Variants in TSPAN16 observed in about 807,000 individuals in gnomAD.
TSPAN16 encodes the protein tetraspanin 16, also known as tetraspanin-16.
A neutral mutation model predicts 25.2 loss-of-function variants in TSPAN16; 23 were observed. The observed-to-expected ratio is 0.91, with a 90% CI of 0.66 to 1.29. The LOEUF is 1.29. Ranked by LOEUF, TSPAN16 falls within the 50% of genes most tolerant of loss-of-function variation. The pLI, the probability that TSPAN16 is intolerant of heterozygous loss-of-function variation, is 0.00. For missense variants in TSPAN16, 272 were observed against 299.9 expected, an observed-to-expected ratio of 0.91 and a Z score of 0.69; for synonymous variants, 123 against 124.4, an observed-to-expected ratio of 0.99 and a Z score of 0.08.
chr19:11,298,002 G>A, intron 1 of TSPAN16, 140 bp from the exon 2 acceptor site: 1 of 793,794 alleles, frequency 1.3e-6, no homozygotes, highest in Non-Finnish European at 2.1e-6. Context: ...TACCAAGCTG[G>A]TCTTGAACTC....
At chr19:11,307,802 A>G (rs1320158694) in intron 5 of TSPAN16, 3 of 152,156 alleles carry the variant, frequency 2.0e-5, no homozygotes, top group Non-Finnish European at 4.4e-5. Context: ...ATCAACTCTT[A>G]TTGAGTGTTC....
At chr19:11,296,529 G>T (rs930153369) in intron 1 of TSPAN16, among the ~76,000 whole-genome samples, 163 bp downstream of exon 1, 1 of 152,144 alleles carries the variant, frequency 6.6e-6, no homozygotes, top group Non-Finnish European at 1.5e-5. Flanking sequence ...AGCAGGGAGC[G>T]TGGGGACCTC....
At chr19:11,326,095 G>A (rs201247277) in intron 6 of TSPAN16, among the ~76,000 whole-genome samples, 26 of 151,922 alleles carry the variant, frequency 1.7e-4, no homozygotes, top group South Asian at 8.3e-4. Context: ...GGTGGCACGC[G>A]TCTGTAATCC....
chr19:11,299,368 C>T (rs1250356636), intron 3 of TSPAN16, among the ~76,000 whole-genome samples: 1 of 151,994 alleles, frequency 6.6e-6, no homozygotes, highest in African/African-American at 2.4e-5. Context: ...GATGGAGGGG[C>T]CCATCACACG....
intron 5 of TSPAN16, among the ~76,000 whole-genome samples, chr19:11,311,860 C>A (rs2080695135): frequency 6.6e-6 from 1 of 152,092 alleles, no homozygotes; most frequent in Non-Finnish European, 1.5e-5. Context: ...GGATGTCCAA[C>A]CACACTTAAT....
chr19:11,315,752 C>T (rs1168595319), intron 6 of TSPAN16, 39 bp from the exon 7 acceptor site: 13 of 1,228,744 alleles, frequency 1.1e-5, no homozygotes, highest in Non-Finnish European at 1.3e-5. Context: ...TTGGAGGTCT[C>T]TAGCATTGGA....
downstream of TSPAN16, chr19:11,316,043 A>G (rs1189627536): frequency 5.0e-5 from 44 of 876,102 alleles, no homozygotes; most frequent in Non-Finnish European, 6.5e-5. Flanking sequence ...ATGAGAGACT[A>G]TGCCCTTTCT....
intron 6 of TSPAN16, among the ~76,000 whole-genome samples, chr19:11,314,188 A>C (rs926032960): frequency 1.2e-4 from 18 of 152,192 alleles, no homozygotes; most frequent in African/African-American, 3.9e-4. Flanking sequence ...ACCAGAGGGT[A>C]CGGGAAGAAT....
chr19:11,303,577 TAAAA>T (rs1322861353), intron 4 of TSPAN16, among the ~76,000 whole-genome samples: 28 of 78,306 alleles, frequency 3.6e-4, no homozygotes, highest in Non-Finnish European at 5.7e-4. Context: ...ATAAATAAAT[TAAAA>T]AAAAAAAAAA....
chr19:11,326,889 C>T (rs762871487), exon 7 of TSPAN16: 25 of 569,792 alleles, frequency 4.4e-5, no homozygotes, highest in South Asian at 8.4e-5. Context: ...GGTTTACCAG[C>T]GTGAGCCACC....
At chr19:11,312,711 C>T (rs2080706434) in intron 6 of TSPAN16, among the ~76,000 whole-genome samples, 1 of 151,870 alleles carries the variant, frequency 6.6e-6, no homozygotes, top group Non-Finnish European at 1.5e-5. Flanking sequence ...GCTAGTGAGG[C>T]ATGATTGTGT....
At chr19:11,311,620 A>T (rs1335538051) in intron 5 of TSPAN16, among the ~76,000 whole-genome samples, 1 of 152,004 alleles carries the variant, frequency 6.6e-6, no homozygotes, top group Non-Finnish European at 1.5e-5. Flanking sequence ...AGGGAGTCTC[A>T]CTATGTTACC....
At position 11,296,232 on chromosome 19, in the gene TSPAN16, A is replaced by G; in HGVS notation, c.-66A>G. 6.5e-7 allele frequency: 1 copy of G among 1,537,154 alleles called. No homozygotes were observed. Among genetic ancestry groups the G allele is most frequent in the South Asian group, 1.1e-5 (1 of 87,982 alleles). The stretch of plus-strand genomic sequence containing the variant: ...TTCCTCAGATCCCTATCATCTTGGG[A>G]AACAGTAGCCCAGAGGTTCAGGAAG... On this transcript the variant is annotated 5_prime_UTR_variant, in exon 1 of 7. Coordinates refer to ENST00000590327, the MANE Select transcript of TSPAN16 (RefSeq NM_001282509.2).
chr19:11,310,214 C>T (rs1011923281), intron 5 of TSPAN16, among the ~76,000 whole-genome samples: 11 of 152,022 alleles, frequency 7.2e-5, no homozygotes, highest in Admixed American at 1.3e-4. Context: ...GAAGAGGGAG[C>T]TACTCTGGAA....
At position 11,306,727 on chromosome 19, in the gene TSPAN16, G is replaced by A. The variant is rs1272019166; in HGVS notation, c.574G>A (p.Asp192Asn). 12 of 1,614,064 alleles carry A rather than the reference G, an allele frequency of 7.4e-6. No homozygotes were observed. The highest frequency in any genetic ancestry group is 1.7e-4 in the Middle Eastern group (1 of 6,044). ...SIGSVSCDGR[D>N]VSPNVIHQKG... is the part of the protein sequence containing the mutation. Reference sequence around the variant, plus strand: ...CGGAAGTGTGTCCTGTGACGGACGCGATGTGTCTCCAAACGTCATCCACCA... The same window carrying A: ...CGGAAGTGTGTCCTGTGACGGACGCAATGTGTCTCCAAACGTCATCCACCA... Residue 192 changes from aspartate (D) to asparagine (N), a missense_variant, in exon 5 of 7, where the codon GAT (aspartate) becomes AAT (asparagine). By Grantham distance (23) the Asp-to-Asn change is conservative (BLOSUM62 1). Transcript: ENST00000590327.
intron 6 of TSPAN16, chr19:11,325,209 CACCGGGGCTGCCTGAGG>C (rs2080804551): frequency 1.8e-6 from 1 of 555,226 alleles, no homozygotes; most frequent in African/African-American, 1.9e-5. Context: ...CGCAGCCTCC[CACCGGGGCTGCCTGAGG>C]AACCTGGCAG....
intron 6 of TSPAN16, among the ~76,000 whole-genome samples, chr19:11,315,343 G>A (rs1381748930): frequency 6.7e-6 from 1 of 150,260 alleles, no homozygotes; most frequent in East Asian, 1.9e-4. Context: ...AGGTCACGAG[G>A]TCAGGAGATC....
At chr19:11,301,158 C>T in intron 3 of TSPAN16, 43 bp from the exon 4 acceptor site, 1 of 1,553,166 alleles carries the variant, frequency 6.4e-7, no homozygotes, top group Non-Finnish European at 8.9e-7. Context: ...ACGGGCCACT[C>T]TTGCTAGTTG....
chr19:11,305,041 C>T (rs926215998), intron 4 of TSPAN16, among the ~76,000 whole-genome samples: 4 of 152,104 alleles, frequency 2.6e-5, no homozygotes, highest in African/African-American at 7.2e-5. Context: ...GAATTGGCTT[C>T]TCAAAGTGTT....
Sources: allele counts gnomAD v4.1 joint callset (sites outside exome capture counted in the v4.1 genomes callset), GRCh38; gene constraint gnomAD v4.1.1; transcripts MANE v1.5; gene names NCBI Gene and HGNC (gene_info 2026-07-23, HGNC 2026-07-21).